RBFOX3: variants seen among roughly 807,000 people sequenced by gnomAD.
The protein encoded by RBFOX3 is RNA binding protein fox-1 homolog 3.
A neutral mutation model predicts 48.7 loss-of-function variants in RBFOX3; 17 were observed. The ratio of observed to expected loss-of-function variants is 0.35; its 90% confidence interval spans 0.24 to 0.52. The LOEUF is 0.52. Among genes scored for constraint, RBFOX3 ranks in the 20% least tolerant of loss-of-function variants. The probability of loss-of-function intolerance (pLI) is 0.94; values close to 1 mark genes in which losing one functional copy is unlikely to be tolerated. For synonymous variants in RBFOX3, 212 were observed against 209.5 expected (o/e 1.01, Z -0.10); for missense variants, 382 against 497.5 (o/e 0.77, Z 2.21).
At chr17:79,308,213 A>C (rs2076347714) in intron 2 of RBFOX3, among the ~76,000 whole-genome samples, 2 of 152,194 alleles carry the variant, frequency 1.3e-5, no homozygotes, top group Non-Finnish European at 2.9e-5. Flanking sequence ...TCATGCCAGC[A>C]GAGCCTCCTT....
chr17:79,146,756 G>A (rs192770576), intron 4 of RBFOX3, among the ~76,000 whole-genome samples: 67 of 152,342 alleles, frequency 4.4e-4, no homozygotes, highest in Admixed American at 4.3e-3. Context: ...CCTGCAGCCT[G>A]CTGGTCACGT....
intron 3 of RBFOX3, among the ~76,000 whole-genome samples, chr17:79,306,572 G>C (rs1409049504): frequency 1.3e-5 from 2 of 152,220 alleles, no homozygotes; most frequent in African/African-American, 4.8e-5. Flanking sequence ...GAGAGGATGA[G>C]GGTGGGGTCT....
At chr17:79,173,598 C>T (rs2049860580) in intron 4 of RBFOX3, among the ~76,000 whole-genome samples, 1 of 152,198 alleles carries the variant, frequency 6.6e-6, no homozygotes, top group South Asian at 2.1e-4. Context: ...CCAAAACACA[C>T]AGTGGCTTGG....
intron 2 of RBFOX3, among the ~76,000 whole-genome samples, chr17:79,365,160 T>A (rs11656604): frequency 6.6e-6 from 1 of 151,940 alleles, no homozygotes; most frequent in Non-Finnish European, 1.5e-5. Flanking sequence ...CTCATGCACA[T>A]GCACACGGTA....
chr17:79,591,058 C>T (rs1422500753), intron 1 of RBFOX3, among the ~76,000 whole-genome samples: 2 of 152,190 alleles, frequency 1.3e-5, no homozygotes, highest in African/African-American at 4.8e-5. Context: ...ACCCTGGGAG[C>T]AGGGAGCTGT....
chr17:79,113,528 G>T (rs996119956), intron 5 of RBFOX3, among the ~76,000 whole-genome samples: 1 of 152,166 alleles, frequency 6.6e-6, no homozygotes, highest in Non-Finnish European at 1.5e-5. Flanking sequence ...GGTCAAGGCC[G>T]TCTGTCCATC....
At chr17:79,325,652 A>G (rs2079184200) in intron 2 of RBFOX3, among the ~76,000 whole-genome samples, 1 of 152,128 alleles carries the variant, frequency 6.6e-6, no homozygotes, top group African/African-American at 2.4e-5. Flanking sequence ...AATCAATAAA[A>G]AACAAAAAGC....
chr17:79,226,031 T>A (rs1055411330), intron 4 of RBFOX3, among the ~76,000 whole-genome samples: 2 of 152,110 alleles, frequency 1.3e-5, no homozygotes, highest in Admixed American at 6.6e-5. Flanking sequence ...TTCAGGCCCA[T>A]CTGGATAGGC....
rs1372121041 is a variant in RBFOX3 at position 79,115,501 on chromosome 17, G to C, written c.215C>G (p.Thr72Arg). 5 of 1,336,990 alleles carry C rather than the reference G, an allele frequency of 3.7e-6. No homozygotes were observed. Among genetic ancestry groups the C allele is most frequent in the Middle Eastern group, 3.9e-4 (2 of 5,194 alleles). The allele number at this position is 1,336,990 out of a possible 1,614,324, so 82.8% of individuals were successfully genotyped here. A position where few individuals can be genotyped will look rare whatever the true frequency, so the allele number is the denominator to read the frequency against. ...ASTQPIAGTQ[T>R]VPQTDEAAQT... ...GGTCGTGGGGGCCCTTACCGGCACT[G>C]TCTGGGTCCCGGCGATGGGCTGTGT... Residue 72 changes from threonine (T) to arginine (R), a missense_variant, in exon 5 of 15, where the codon ACA becomes AGA. Physicochemically the swap from Thr to Arg is moderately conservative, Grantham distance 71. Coordinates refer to ENST00000693108, the MANE Select transcript of RBFOX3 (RefSeq NM_001350451.2).
intron 2 of RBFOX3, among the ~76,000 whole-genome samples, chr17:79,461,185 C>T (rs914926019): frequency 7.9e-5 from 12 of 152,212 alleles, no homozygotes; most frequent in Non-Finnish European, 1.8e-4. Context: ...ATCCTGAGGA[C>T]CCAGCGTGAT....
At chr17:79,318,993 T>C (rs2077992073) in intron 2 of RBFOX3, among the ~76,000 whole-genome samples, 1 of 151,276 alleles carries the variant, frequency 6.6e-6, no homozygotes, top group Non-Finnish European at 1.5e-5. Context: ...CTGCACGTTG[T>C]GCATATGTAC....
intron 2 of RBFOX3, among the ~76,000 whole-genome samples, chr17:79,472,433 C>T (rs2077169334): frequency 6.6e-6 from 1 of 152,104 alleles, no homozygotes; most frequent in African/African-American, 2.4e-5. Context: ...AGATAGGACC[C>T]TTACCAGGCC....
chr17:79,505,237 G>A (rs972560025), intron 1 of RBFOX3, among the ~76,000 whole-genome samples: 9 of 152,150 alleles, frequency 5.9e-5, no homozygotes, highest in African/African-American at 1.7e-4. Flanking sequence ...AGAAGACCCC[G>A]CCCAGGCCCA....
At position 79,414,463 on chromosome 17, in the gene RBFOX3, A is replaced by G. The variant is rs543053476; in HGVS notation, c.-175+67991T>C. Among the ~76,000 whole-genome samples the G allele has an allele frequency of 2.0e-5, 3 of 152,298 alleles. No homozygotes were observed. In the South Asian group the frequency reaches 6.2e-4, roughly 32 times the overall value. ...AAAGCCCCTCAGCGTGTATTTCCAT[A>G]TGCAAATGCGGCGGGACGGTGCCCC... On this transcript the variant is annotated intron_variant, in intron 2 of 14. Transcript: ENST00000693108.
intron 1 of RBFOX3, among the ~76,000 whole-genome samples, chr17:79,587,629 G>A (rs2093293326): frequency 6.6e-6 from 1 of 152,206 alleles, no homozygotes; most frequent in South Asian, 2.1e-4. Context: ...GCCAGGCGAG[G>A]TCCCCCCACG....
intron 1 of RBFOX3, among the ~76,000 whole-genome samples, chr17:79,486,226 C>T (rs934400151): frequency 1.4e-4 from 21 of 152,118 alleles, no homozygotes; most frequent in African/African-American, 4.8e-4. Flanking sequence ...CTTCTCAGGG[C>T]GCAGTGGCAG....
intron 2 of RBFOX3, among the ~76,000 whole-genome samples, chr17:79,313,690 T>C (rs977930491): frequency 6.6e-6 from 1 of 152,048 alleles, no homozygotes; most frequent in East Asian, 1.9e-4. Flanking sequence ...GCTCAGAGCC[T>C]CCCCTTCCCA....
intron 4 of RBFOX3, among the ~76,000 whole-genome samples, chr17:79,211,600 C>A (rs1320523664): frequency 2.0e-5 from 3 of 152,172 alleles, no homozygotes; most frequent in African/African-American, 4.8e-5. Context: ...TCATCCCCTG[C>A]GGATGCCTCC....
intron 3 of RBFOX3, among the ~76,000 whole-genome samples, chr17:79,303,881 A>G (rs1022475066): frequency 5.9e-5 from 7 of 118,144 alleles, no homozygotes; most frequent in South Asian, 2.8e-4. Context: ...GTGTGTGTGC[A>G]TGTGTGTACT....
Sources: allele counts gnomAD v4.1 joint callset (sites outside exome capture counted in the v4.1 genomes callset), GRCh38; gene constraint gnomAD v4.1.1; transcripts MANE v1.5; gene names NCBI Gene and HGNC (gene_info 2026-07-23, HGNC 2026-07-21).